ARHGAP15: variants seen among roughly 807,000 people sequenced by gnomAD.
ARHGAP15 encodes Rho GTPase activating protein 15, also known as rho GTPase-activating protein 15.
ARHGAP15 carries 51 observed loss-of-function variants against 63.7 expected under a neutral mutation model. The observed-to-expected ratio is 0.80, with a 90% confidence interval of 0.64 to 1.01. The LOEUF (loss-of-function observed/expected upper bound fraction) is 1.01, where lower values mean the gene tolerates loss of function less well. Ranked by LOEUF, ARHGAP15 falls within the 50% of genes least tolerant of loss-of-function variation. ARHGAP15 has a pLI of 0.00. For missense variants in ARHGAP15, 560 were observed against 564.6 expected (o/e 0.99, Z 0.08); for synonymous variants, 191 against 193.8 (o/e 0.99, Z 0.12).
At chr2:143,576,691 G>A (rs1696694278) in intron 11 of ARHGAP15, among the ~76,000 whole-genome samples, 1 of 151,940 alleles carries the variant, frequency 6.6e-6, no homozygotes, top group Non-Finnish European at 1.5e-5. Flanking sequence ...AAGAAGGGAG[G>A]ATTATATGAT....
intron 13 of ARHGAP15, among the ~76,000 whole-genome samples, chr2:143,714,402 G>T (rs1029249372): frequency 6.6e-6 from 1 of 152,206 alleles, no homozygotes; most frequent in South Asian, 2.1e-4. Context: ...GGGCCTCTGG[G>T]CCTGTGATGG....
intron 13 of ARHGAP15, among the ~76,000 whole-genome samples, chr2:143,704,566 T>C (rs1445543155): frequency 1.3e-5 from 2 of 152,180 alleles, no homozygotes; most frequent in African/African-American, 4.8e-5. Context: ...AAAAGCAGGT[T>C]TGAGAGCTCT....
chr2:143,274,782 T>A (rs1681459533), intron 6 of ARHGAP15, among the ~76,000 whole-genome samples: 1 of 152,208 alleles, frequency 6.6e-6, no homozygotes, highest in South Asian at 2.1e-4. Flanking sequence ...CAGGACACCT[T>A]GCCCAACAGT....
chr2:143,339,976 T>A (rs77082412), intron 6 of ARHGAP15, among the ~76,000 whole-genome samples: 1 of 152,180 alleles, frequency 6.6e-6, no homozygotes, highest in African/African-American at 2.4e-5. Context: ...ATTTTATTCC[T>A]TCTTGATTTC....
Position 143,418,569 on chromosome 2 carries a change from G to T in ARHGAP15, c.475-17032G>T, listed in dbSNP as rs545477903. On this transcript the variant is annotated intron_variant, in intron 6 of 13. Transcript: ENST00000295095. ...AATAGGATCTTCTGGAGGAAGAGAA[G>T]AAATATTTAAAGTTCACATAAAAGA... Among the ~76,000 whole-genome samples, 3 of 152,132 alleles carry T rather than the reference G, an allele frequency of 2.0e-5. No individual in the cohort carries two copies. The East Asian group carries it at 5.8e-4, about 29-fold the overall frequency.
At position 143,694,759 on chromosome 2, in the gene ARHGAP15, G is replaced by T. The variant is rs1029816529; in HGVS notation, c.1139-8660G>T. Among the ~76,000 whole-genome samples, 5 of 152,204 alleles carry T rather than the reference G, an allele frequency of 3.3e-5. No homozygotes were observed. In the South Asian group the frequency reaches 1.0e-3, roughly 31 times the overall value. ...GTGACCATGTCAGATGAACTAGCTG[G>T]ACAGTTTACTATACTAACCATTATC... is the stretch of plus-strand genomic sequence containing the variant. On this transcript the variant is annotated intron_variant, in intron 12 of 13. Transcript: ENST00000295095.
chr2:143,184,022 A>G (rs1434836682), intron 2 of ARHGAP15, among the ~76,000 whole-genome samples: 8 of 152,208 alleles, frequency 5.3e-5, no homozygotes, highest in Non-Finnish European at 7.3e-5. Flanking sequence ...TCAGCCGCCC[A>G]AGTCCCAGGA....
intron 11 of ARHGAP15, among the ~76,000 whole-genome samples, chr2:143,557,731 T>C (rs1362832832): frequency 6.6e-6 from 1 of 152,122 alleles, no homozygotes; most frequent in African/African-American, 2.4e-5. Flanking sequence ...AGGAGATACA[T>C]GTTAACTCTC....
chr2:143,566,030 A>G (rs1253096954), intron 11 of ARHGAP15, among the ~76,000 whole-genome samples: 2 of 152,212 alleles, frequency 1.3e-5, no homozygotes, highest in African/African-American at 4.8e-5. Flanking sequence ...CTGTAGAAAA[A>G]AAGTATTCTC....
chr2:143,691,263 C>T (rs1169882598), intron 12 of ARHGAP15, among the ~76,000 whole-genome samples: 3 of 152,024 alleles, frequency 2.0e-5, no homozygotes, highest in South Asian at 2.1e-4. Flanking sequence ...TGACATCTGC[C>T]GAGGTTGGAG....
intron 9 of ARHGAP15, among the ~76,000 whole-genome samples, chr2:143,496,614 TTATG>T (rs1287178411): frequency 3.9e-5 from 6 of 152,208 alleles, no homozygotes; most frequent in Non-Finnish European, 8.8e-5. Flanking sequence ...TCACTATACT[TTATG>T]TGTTAGCAAA....
chr2:143,542,237 C>T (rs180705817), intron 10 of ARHGAP15, among the ~76,000 whole-genome samples: 42 of 152,254 alleles, frequency 2.8e-4, no homozygotes, highest in East Asian at 1.5e-3. Context: ...AGCACAGTAT[C>T]GGGGTGGGAG....
intron 10 of ARHGAP15, among the ~76,000 whole-genome samples, chr2:143,551,448 C>A (rs901521208): frequency 6.6e-6 from 1 of 152,172 alleles, no homozygotes; most frequent in Non-Finnish European, 1.5e-5. Context: ...AGCCACTGAA[C>A]CTGGCCTAAA....
At chr2:143,364,179 T>C (rs1337787472) in intron 6 of ARHGAP15, among the ~76,000 whole-genome samples, 1 of 148,670 alleles carries the variant, frequency 6.7e-6, no homozygotes, top group Non-Finnish European at 1.5e-5. Context: ...GAGGAAACAG[T>C]AGCAAAAAAA....
At chr2:143,202,350 GT>G in intron 3 of ARHGAP15, 148 bp downstream of exon 3, 1 of 661,248 alleles carries the variant, frequency 1.5e-6, no homozygotes, top group Non-Finnish European at 2.7e-6. Flanking sequence ...CTAGCTTGGA[GT>G]CTCTCAAAAC....
chr2:143,311,722 C>T (rs1683456308), intron 6 of ARHGAP15, among the ~76,000 whole-genome samples: 1 of 152,112 alleles, frequency 6.6e-6, no homozygotes, highest in South Asian at 2.1e-4. Flanking sequence ...GTTAACTGTA[C>T]TCTTAGCATA....
intron 11 of ARHGAP15, among the ~76,000 whole-genome samples, chr2:143,621,716 A>G (rs1455358697): frequency 6.6e-6 from 1 of 152,160 alleles, no homozygotes; most frequent in African/African-American, 2.4e-5. Context: ...TTTTAAGTAG[A>G]TATAATCAAA....
chr2:143,732,884 C>A (rs190467266), intron 13 of ARHGAP15, among the ~76,000 whole-genome samples: 18 of 150,570 alleles, frequency 1.2e-4, no homozygotes, highest in Admixed American at 2.7e-4. Context: ...AATAAGGAAA[C>A]CCTCCTTCCC....
intron 5 of ARHGAP15, among the ~76,000 whole-genome samples, chr2:143,244,893 G>A (rs965239147): frequency 3.9e-5 from 6 of 152,170 alleles, no homozygotes; most frequent in Non-Finnish European, 7.4e-5. Flanking sequence ...TCCAGAATTC[G>A]AGACTTTGTG....
Sources: gnomAD v4.1 joint callset for allele counts (sites outside exome capture counted in the v4.1 genomes callset) on GRCh38, gnomAD v4.1.1 for gene constraint, MANE v1.5 for transcripts, NCBI Gene and HGNC (gene_info 2026-07-23, HGNC 2026-07-21) for gene names.